CTIF: variants seen among roughly 807,000 people sequenced by gnomAD.
CTIF encodes the protein CBP80/20-dependent translation initiation factor.
In CTIF, 21 loss-of-function variants were observed where a neutral mutation model predicts 66.0. The ratio of observed to expected loss-of-function variants is 0.32; its 90% confidence interval spans 0.23 to 0.46. CTIF has a LOEUF of 0.46. Among genes scored for constraint, CTIF ranks in the 20% least tolerant of loss-of-function variants. The probability of loss-of-function intolerance (pLI) is 1.00; values close to 1 mark genes in which losing one functional copy is unlikely to be tolerated. For synonymous variants in CTIF, 345 were observed against 326.4 expected (o/e 1.06, Z -0.62); for missense variants, 739 against 812.7 (o/e 0.91, Z 1.10).
chr18:48,577,427 C>G (rs2089557185), intron 1 of CTIF, among the ~76,000 whole-genome samples: 1 of 152,222 alleles, frequency 6.6e-6, no homozygotes, highest in Non-Finnish European at 1.5e-5. Flanking sequence ...TTGGCCAGGA[C>G]ACTGAAGGAT....
chr18:48,722,763 G>A (rs1039604251), intron 7 of CTIF, among the ~76,000 whole-genome samples: 5 of 152,168 alleles, frequency 3.3e-5, no homozygotes, highest in Admixed American at 1.3e-4. Context: ...TAAGCACACG[G>A]CTGTGCCCAT....
chr18:48,573,062 C>A (rs17828993), intron 1 of CTIF, among the ~76,000 whole-genome samples: 48 of 151,628 alleles, frequency 3.2e-4, no homozygotes, highest in Non-Finnish European at 6.3e-4. Flanking sequence ...AAGGCCAGTG[C>A]GGGAAGTGAG....
chr18:48,604,380 G>C (rs2090165957), intron 1 of CTIF, among the ~76,000 whole-genome samples: 1 of 149,468 alleles, frequency 6.7e-6, no homozygotes, highest in African/African-American at 2.5e-5. Context: ...GGGTTTCACA[G>C]TGTTAGCCAG....
intron 7 of CTIF, among the ~76,000 whole-genome samples, chr18:48,735,657 G>A (rs986274461): frequency 6.6e-6 from 1 of 152,200 alleles, no homozygotes; most frequent in Admixed American, 6.5e-5. Flanking sequence ...CTTGGATTTT[G>A]TCTTGAGTCC....
Position 48,568,633 on chromosome 18 carries a change from T to TAAAAAAAAAAAAAGAAAAAAAAAAA in CTIF, c.-29+29334_-29+29335insGAAAAAAAAAAAAAAAAAAAAAAAA, listed in dbSNP as rs2089332245. ...GAAATACCTGAGACTGGGCAATTTGTAAAAAAAAAAAAAAAAAAAAAAAAA... is the reference window on the plus strand; with the variant it reads ...GAAATACCTGAGACTGGGCAATTTGTAAAAAAAAAAAAAGAAAAAAAAAAAAAAAAAAAAAAAAAAAAAAAAAAAA... On this transcript the variant is annotated intron_variant, in intron 1 of 11. Transcript: ENST00000256413. 2.2e-4 allele frequency among the ~76,000 whole-genome samples: 8 copies of TAAAAAAAAAAAAAGAAAAAAAAAAA among 36,622 alleles called. 1 individual carries two copies. Among genetic ancestry groups the TAAAAAAAAAAAAAGAAAAAAAAAAA allele is most frequent in the Non-Finnish European group, 3.6e-4 (6 of 16,556 alleles). The allele number at this position is 36,622 out of a possible 152,430, so 24.0% of individuals were successfully genotyped here. A position where few individuals can be genotyped will look rare whatever the true frequency, so the allele number is the denominator to read the frequency against.
intron 1 of CTIF, among the ~76,000 whole-genome samples, chr18:48,560,739 T>C (rs1429776564): frequency 6.6e-6 from 1 of 151,716 alleles, no homozygotes; most frequent in Non-Finnish European, 1.5e-5. Context: ...CCCCACAAAA[T>C]TTGTTGTATT....
At chr18:48,854,806 C>G (rs1169406437) in intron 10 of CTIF, among the ~76,000 whole-genome samples, 1 of 152,068 alleles carries the variant, frequency 6.6e-6, no homozygotes, top group Non-Finnish European at 1.5e-5. Flanking sequence ...ACCTGTGGTC[C>G]CATCTACGCA....
chr18:48,664,349 C>G (rs2091397927), intron 4 of CTIF, 98 bp from the exon 5 acceptor site: 2 of 1,090,030 alleles, frequency 1.8e-6, no homozygotes, highest in Admixed American at 3.5e-5. Flanking sequence ...CTCCTTTCTG[C>G]GGATCTGCTC....
At chr18:48,707,992 T>A (rs960280782) in intron 6 of CTIF, among the ~76,000 whole-genome samples, 14 of 152,254 alleles carry the variant, frequency 9.2e-5, no homozygotes, top group African/African-American at 3.4e-4. Context: ...GTAACTAGCT[T>A]CTTTCCCTGA....
intron 7 of CTIF, among the ~76,000 whole-genome samples, chr18:48,740,452 ACT>A (rs2092544127): frequency 6.6e-6 from 1 of 151,912 alleles, no homozygotes; most frequent in Non-Finnish European, 1.5e-5. Context: ...GGGCCTCCGT[ACT>A]CTCTGACCAT....
At chr18:48,742,395 A>G (rs558713580) in intron 7 of CTIF, among the ~76,000 whole-genome samples, 1 of 152,318 alleles carries the variant, frequency 6.6e-6, no homozygotes, top group African/African-American at 2.4e-5. Flanking sequence ...GAGGAATCCA[A>G]ACCCTTGTGG....
intron 7 of CTIF, among the ~76,000 whole-genome samples, chr18:48,715,880 T>G (rs1177295236): frequency 6.6e-6 from 1 of 152,160 alleles, no homozygotes; most frequent in East Asian, 1.9e-4. Flanking sequence ...TAGGGGAGGT[T>G]CTGAAGTTGG....
chr18:48,730,549 CTG>C (rs1465189988), intron 7 of CTIF, among the ~76,000 whole-genome samples: 6,329 of 50,906 alleles, frequency 0.12, 2,188 homozygotes, highest in Non-Finnish European at 0.14. Context: ...TGAGGGGCTT[CTG>C]CTGTGTGAGG....
At chr18:48,568,635 A>AAAAAAAAAC (rs1568037802) in intron 1 of CTIF, among the ~76,000 whole-genome samples, 1 of 55,456 alleles carries the variant, frequency 1.8e-5, no homozygotes, top group East Asian at 4.8e-4. Context: ...GCAATTTGTA[A>AAAAAAAAAC]AAAAAAAAAA....
At chr18:48,683,121 C>G (rs944127651) in intron 6 of CTIF, 1 of 152,124 alleles carries the variant, frequency 6.6e-6, no homozygotes, top group Non-Finnish European at 1.5e-5. Context: ...GCGCTGACAC[C>G]GAAGCACACT....
intron 3 of CTIF, among the ~76,000 whole-genome samples, chr18:48,656,677 G>T (rs1465908063): frequency 6.6e-6 from 1 of 152,148 alleles, no homozygotes; most frequent in Non-Finnish European, 1.5e-5. Context: ...CTGGTATGGG[G>T]CCCCCTAATT....
At chr18:48,848,299 C>T (rs1023259149) in intron 10 of CTIF, among the ~76,000 whole-genome samples, 3 of 152,228 alleles carry the variant, frequency 2.0e-5, no homozygotes, top group Non-Finnish European at 4.4e-5. Flanking sequence ...CAGCCAACCT[C>T]AGCTCCCAGG....
intron 1 of CTIF, among the ~76,000 whole-genome samples, chr18:48,593,514 TG>T (rs1395003029): frequency 6.6e-6 from 1 of 151,616 alleles, no homozygotes; most frequent in East Asian, 1.9e-4. Context: ...CCCGAGTAGC[TG>T]GGACTACAGG....
At chr18:48,851,743 C>G (rs1444690772) in intron 10 of CTIF, among the ~76,000 whole-genome samples, 1 of 152,166 alleles carries the variant, frequency 6.6e-6, no homozygotes, top group Non-Finnish European at 1.5e-5. Flanking sequence ...GCTGCCCTCC[C>G]TTCCTTCGCA....
Sources: gnomAD v4.1 joint callset for allele counts (sites outside exome capture counted in the v4.1 genomes callset) on GRCh38, gnomAD v4.1.1 for gene constraint, MANE v1.5 for transcripts, NCBI Gene and HGNC (gene_info 2026-07-23, HGNC 2026-07-21) for gene names.